Variants in KCNT2 observed in about 807,000 individuals in gnomAD.
The protein encoded by KCNT2 is potassium channel subfamily T member 2.
In KCNT2, 67 loss-of-function variants were observed where a neutral mutation model predicts 153.8. The observed-to-expected ratio is 0.44, with a 90% CI of 0.36 to 0.53. The LOEUF (loss-of-function observed/expected upper bound fraction) is 0.53. Among genes scored for constraint, KCNT2 ranks in the 20% least tolerant of loss-of-function variants. The pLI is 0.00. For missense variants in KCNT2, 975 were observed against 1,354.8 expected, an observed-to-expected ratio of 0.72 and a Z score of 4.40; for synonymous variants, 500 against 458.8, an observed-to-expected ratio of 1.09 and a Z score of -1.15.
At chr1:196,321,314 T>G (rs1164789973) in intron 19 of KCNT2, among the ~76,000 whole-genome samples, 1 of 151,886 alleles carries the variant, frequency 6.6e-6, no homozygotes, top group Non-Finnish European at 1.5e-5. Flanking sequence ...AACACTGGGC[T>G]GTTGCGGTGA....
At chr1:196,343,482 T>C (rs1293695274) in intron 14 of KCNT2, among the ~76,000 whole-genome samples, 1 of 152,142 alleles carries the variant, frequency 6.6e-6, no homozygotes. Flanking sequence ...TAATCTCTAA[T>C]CAATTCTTAA....
chr1:196,379,199 A>G (rs1262388915), intron 13 of KCNT2, among the ~76,000 whole-genome samples: 1 of 152,164 alleles, frequency 6.6e-6, no homozygotes, highest in East Asian at 1.9e-4. Flanking sequence ...ACAACTCTTT[A>G]TCAAATATAA....
rs544935184 is a variant in KCNT2 at position 196,576,266 on chromosome 1, C to T, written c.95+31949G>A. 3.9e-5 allele frequency among the ~76,000 whole-genome samples: 6 copies of T among 152,032 alleles called. No individual in the cohort carries two copies. The South Asian group carries it at 1.2e-3, about 32-fold the overall frequency. On this transcript the variant is annotated intron_variant, in intron 1 of 27. Transcript: ENST00000294725. ...ACACAGATATATCAGAAACAAAAGC[C>T]AGTTTTTTTGTTCCATTACTACCAT... is the stretch of plus-strand genomic sequence containing the variant.
At position 196,316,035 on chromosome 1, in the gene KCNT2, A is replaced by T. The variant is rs374209180; in HGVS notation, c.2349-9T>A. 8.0e-5 allele frequency: 129 copies of T among 1,608,228 alleles called. No homozygotes were observed. In the African/African-American group the frequency reaches 1.4e-3, roughly 17 times the overall value. Reference sequence around the variant, plus strand: ...TGAGTAAGTCATCTAGGCTTTGATAAAAATCAACAGAGAAAAACAAACATT... The same window carrying T: ...TGAGTAAGTCATCTAGGCTTTGATATAAATCAACAGAGAAAAACAAACATT... On this transcript the variant is annotated splice_polypyrimidine_tract_variant and intron_variant, in intron 20 of 27. Coordinates refer to ENST00000294725, the MANE Select transcript of KCNT2 (RefSeq NM_198503.5).
At chr1:196,340,737 C>T (rs961931644) in intron 15 of KCNT2, among the ~76,000 whole-genome samples, 167 bp from the exon 16 acceptor site, 1 of 151,832 alleles carries the variant, frequency 6.6e-6, no homozygotes, top group African/African-American at 2.4e-5. Context: ...TGTTGTAAAA[C>T]CAATTTAGCT....
At chr1:196,234,022 A>G (rs957949022) in intron 27 of KCNT2, among the ~76,000 whole-genome samples, 2 of 151,300 alleles carry the variant, frequency 1.3e-5, no homozygotes, top group African/African-American at 4.8e-5. Flanking sequence ...ACAAGACTTC[A>G]TTGTATATTT....
chr1:196,315,868 A>G (rs1662661843), intron 21 of KCNT2, 24 bp downstream of exon 21: 2 of 1,588,468 alleles, frequency 1.3e-6, no homozygotes, highest in Non-Finnish European at 8.6e-7. Flanking sequence ...GTAAGTGGCA[A>G]GGTTGGATGA....
At chr1:196,445,160 A>G (rs1043725177) in intron 8 of KCNT2, among the ~76,000 whole-genome samples, 2 of 151,508 alleles carry the variant, frequency 1.3e-5, no homozygotes, top group East Asian at 1.9e-4. Flanking sequence ...ATGTTCACAG[A>G]TTTGATAAAA....
At chr1:196,463,687 C>T (rs188090908) in intron 8 of KCNT2, among the ~76,000 whole-genome samples, 119 of 151,800 alleles carry the variant, frequency 7.8e-4, no homozygotes, top group African/African-American at 2.8e-3. Flanking sequence ...ATAATGAATA[C>T]ATTATATAGT....
At chr1:196,567,393 A>G (rs1200711089) in intron 1 of KCNT2, among the ~76,000 whole-genome samples, 2 of 152,134 alleles carry the variant, frequency 1.3e-5, no homozygotes, top group Non-Finnish European at 2.9e-5. Flanking sequence ...TTCTGATCAC[A>G]TTGCATTTAA....
chr1:196,462,848 T>C (rs1677272021), intron 8 of KCNT2, among the ~76,000 whole-genome samples: 1 of 151,688 alleles, frequency 6.6e-6, no homozygotes, highest in South Asian at 2.1e-4. Flanking sequence ...TCTCCAGTTG[T>C]TTTTTCTTTT....
intron 14 of KCNT2, among the ~76,000 whole-genome samples, chr1:196,348,258 A>C (rs1666308345): frequency 6.6e-6 from 1 of 152,116 alleles, no homozygotes; most frequent in Non-Finnish European, 1.5e-5. Flanking sequence ...AAGTGAATTT[A>C]ATATTATATC....
intron 8 of KCNT2, among the ~76,000 whole-genome samples, chr1:196,457,926 TA>T (rs1269816426): frequency 6.6e-6 from 1 of 151,780 alleles, no homozygotes; most frequent in Non-Finnish European, 1.5e-5. Context: ...TTTGCAGTGA[TA>T]AAAACCAGAA....
At chr1:196,419,147 TC>T (rs1316810698) in intron 12 of KCNT2, among the ~76,000 whole-genome samples, 3 of 151,794 alleles carry the variant, frequency 2.0e-5, no homozygotes, top group Non-Finnish European at 4.4e-5. Context: ...CTTTCTACTT[TC>T]TTTTTTTTAA....
intron 1 of KCNT2, among the ~76,000 whole-genome samples, chr1:196,570,164 T>C (rs1475473615): frequency 1.3e-5 from 2 of 151,110 alleles, no homozygotes; most frequent in African/African-American, 2.5e-5. Context: ...CAACACTTCA[T>C]TCCACTAAAA....
intron 22 of KCNT2, among the ~76,000 whole-genome samples, chr1:196,298,078 A>G (rs1198229434): frequency 6.6e-6 from 1 of 152,186 alleles, no homozygotes; most frequent in Non-Finnish European, 1.5e-5. Flanking sequence ...ATCTCCAATC[A>G]CTGGTAGAAA....
At chr1:196,498,310 C>G (rs1202765397) in intron 1 of KCNT2, among the ~76,000 whole-genome samples, 1 of 152,038 alleles carries the variant, frequency 6.6e-6, no homozygotes, top group African/African-American at 2.4e-5. Flanking sequence ...TGCCTTGATA[C>G]CTATTTAGGA....
At chr1:196,401,804 T>C (rs1004409166) in intron 12 of KCNT2, among the ~76,000 whole-genome samples, 2 of 151,664 alleles carry the variant, frequency 1.3e-5, no homozygotes, top group Non-Finnish European at 3.0e-5. Flanking sequence ...CTTTTTAATT[T>C]TGTAGAAGAC....
At chr1:196,506,332 A>G in intron 1 of KCNT2, among the ~76,000 whole-genome samples, 1 of 152,192 alleles carries the variant, frequency 6.6e-6, no homozygotes, top group South Asian at 2.1e-4. Context: ...TAGTGTGTTG[A>G]TAATACAAAA....
Sources: allele counts gnomAD v4.1 joint callset (sites outside exome capture counted in the v4.1 genomes callset), GRCh38; gene constraint gnomAD v4.1.1; transcripts MANE v1.5; gene names NCBI Gene and HGNC (gene_info 2026-07-23, HGNC 2026-07-21).